The following SCAMP2 variants were observed in gnomAD, a reference collection of about 807,000 sequenced individuals.
SCAMP2 encodes the protein secretory carrier-associated membrane protein 2.
In SCAMP2, 25 loss-of-function variants were observed where a neutral mutation model predicts 44.1. That is an observed-to-expected ratio of 0.57 (90% CI 0.41 to 0.79). The LOEUF (loss-of-function observed/expected upper bound fraction) is 0.79. Ranked by LOEUF, SCAMP2 falls within the 30% of genes least tolerant of loss-of-function variation. SCAMP2 has a pLI of 0.00. For missense variants in SCAMP2, 355 were observed against 411.0 expected, an observed-to-expected ratio of 0.86 and a Z score of 1.18; for synonymous variants, 156 against 166.0, an observed-to-expected ratio of 0.94 and a Z score of 0.46.
intron 1 of SCAMP2, among the ~76,000 whole-genome samples, chr15:74,870,754 CAAGA>C (rs889677487): frequency 3.3e-5 from 5 of 152,104 alleles, no homozygotes; most frequent in African/African-American, 1.2e-4. Context: ...ACCTTGAGAC[CAAGA>C]AAGAAGCAAA....
chr15:74,861,814 T>G (rs1325479618), intron 1 of SCAMP2, among the ~76,000 whole-genome samples: 1 of 140,088 alleles, frequency 7.1e-6, no homozygotes, highest in Non-Finnish European at 1.5e-5. Flanking sequence ...GGTGGGAGAA[T>G]GGTGTGAACC....
At chr15:74,854,503 G>C in intron 2 of SCAMP2, 78 bp downstream of exon 2, 1 of 1,232,482 alleles carries the variant, frequency 8.1e-7, no homozygotes, top group Admixed American at 2.0e-5. Flanking sequence ...TTCTGTCCTT[G>C]CCAAGGATCC....
Position 74,844,203 on chromosome 15 carries a change from A to AAGG in SCAMP2, c.*879_*880insCCT, listed in dbSNP as rs745967366. 3.0e-5 allele frequency: 2 copies of AAGG among 67,060 alleles called. No homozygotes were observed. Among genetic ancestry groups the AAGG allele is most frequent in the Admixed American group, 2.8e-4 (2 of 7,106 alleles). The allele number at this position is 67,060 out of a possible 1,614,324, so 4.2% of individuals were successfully genotyped here. On this transcript the variant is annotated 3_prime_UTR_variant, in exon 9 of 9. Transcript: ENST00000268099. ...AAGGCAGCCGTCCCTCGGTTCGGGGAGGGGGGGGGGTAGTCACAGCAAACA... is the reference window on the plus strand; with the variant it reads ...AAGGCAGCCGTCCCTCGGTTCGGGGAAGGGGGGGGGGGGTAGTCACAGCAAACA...
At chr15:74,852,356 G>A (rs1380605127) in intron 3 of SCAMP2, 170 bp from the exon 4 acceptor site, 2 of 426,912 alleles carry the variant, frequency 4.7e-6, no homozygotes, top group Non-Finnish European at 8.2e-6. Context: ...CCACCTTAGA[G>A]AGGCCAACCT....
chr15:74,868,294 G>A (rs990658838), intron 1 of SCAMP2, among the ~76,000 whole-genome samples: 1 of 152,158 alleles, frequency 6.6e-6, no homozygotes, highest in Non-Finnish European at 1.5e-5. Flanking sequence ...ATAACCACAC[G>A]CAAGGAAGAG....
intron 6 of SCAMP2, among the ~76,000 whole-genome samples, chr15:74,848,978 G>A (rs1423396944): frequency 6.6e-6 from 1 of 152,016 alleles, no homozygotes; most frequent in African/African-American, 2.4e-5. Context: ...ACAATATAAA[G>A]AGCCTAACAC....
intron 1 of SCAMP2, among the ~76,000 whole-genome samples, chr15:74,862,359 T>C (rs1050906842): frequency 1.3e-5 from 2 of 149,190 alleles, no homozygotes; most frequent in African/African-American, 4.9e-5. Context: ...GGCAGATCAC[T>C]TGAGATCAGG....
rs1596430110 is a variant in SCAMP2 at position 74,873,333 on chromosome 15, A to C, written c.-78T>G. The C allele has an allele frequency of 8.0e-7, 1 of 1,246,720 alleles. No homozygotes were observed. Among genetic ancestry groups the C allele is most frequent in the Non-Finnish European group, 1.0e-6 (1 of 953,284 alleles). The allele number at this position is 1,246,720 out of a possible 1,614,324, so 77.2% of individuals were successfully genotyped here. ...CCAGACCCAGCGGCGCTTCGTGTAG[A>C]CCCTCCACTTCCGGGAGCGAGGCAG... On this transcript the variant is annotated 5_prime_UTR_variant, in exon 1 of 9. Transcript: ENST00000268099.
chr15:74,865,296 G>T (rs1383784444), intron 1 of SCAMP2, among the ~76,000 whole-genome samples: 3 of 150,094 alleles, frequency 2.0e-5, no homozygotes, highest in Non-Finnish European at 4.4e-5. Context: ...CAGGAGAATC[G>T]CTTAAACCCA....
chr15:74,846,858 C>T (rs2064403007), intron 7 of SCAMP2, among the ~76,000 whole-genome samples: 1 of 152,080 alleles, frequency 6.6e-6, no homozygotes, highest in East Asian at 1.9e-4. Flanking sequence ...CTCCTGAGGA[C>T]CCACCTTCTG....
At chr15:74,865,994 G>C (rs1238815448) in intron 1 of SCAMP2, among the ~76,000 whole-genome samples, 1 of 85,428 alleles carries the variant, frequency 1.2e-5, no homozygotes, top group Non-Finnish European at 2.3e-5. Context: ...AAGGAAGGAA[G>C]GAAGGAAGGA....
chr15:74,853,261 C>T lies in SCAMP2; in HGVS notation c.225+760G>A, dbSNP rs188269083. 1,704 of 368,556 alleles carry T rather than the reference C, an allele frequency of 4.6e-3. 16 individuals are homozygous for T. Among genetic ancestry groups the T allele is most frequent in the South Asian group, 4.9e-3 (248 of 51,124 alleles). 22.8% of individuals were successfully genotyped at this position (368,556 alleles called of 1,614,324 possible). On this transcript the variant is annotated intron_variant, in intron 3 of 8. Coordinates refer to ENST00000268099, the MANE Select transcript of SCAMP2 (RefSeq NM_005697.5). ...ACCCAGCTGCACAGAAAGGCAACTCCGCATGTAAGGCCTGCCTCACCTCCA... is the reference window on the plus strand; with the variant it reads ...ACCCAGCTGCACAGAAAGGCAACTCTGCATGTAAGGCCTGCCTCACCTCCA...
At chr15:74,865,398 A>G (rs1417922901) in intron 1 of SCAMP2, among the ~76,000 whole-genome samples, 8 of 151,454 alleles carry the variant, frequency 5.3e-5, no homozygotes, top group Non-Finnish European at 8.8e-5. Flanking sequence ...AAAAAAAGAA[A>G]AGAAAAGAAA....
chr15:74,849,544 G>C (rs2064421451), intron 6 of SCAMP2, among the ~76,000 whole-genome samples: 1 of 152,194 alleles, frequency 6.6e-6, no homozygotes, highest in South Asian at 2.1e-4. Flanking sequence ...ACAAGTTCAA[G>C]ACCAGCCTGG....
chr15:74,851,573 C>G, intron 4 of SCAMP2, 92 bp from the exon 5 acceptor site: 4 of 1,529,816 alleles, frequency 2.6e-6, no homozygotes, highest in Non-Finnish European at 3.6e-6. Context: ...TGGGCCAAAC[C>G]AGGGTTCCCA....
intron 1 of SCAMP2, among the ~76,000 whole-genome samples, chr15:74,868,902 T>A (rs1012031242): frequency 1.3e-5 from 2 of 152,166 alleles, no homozygotes; most frequent in African/African-American, 2.4e-5. Flanking sequence ...ACGCCTGTAA[T>A]CCTAGCACTT....
intron 4 of SCAMP2, 73 bp downstream of exon 4, chr15:74,851,996 G>T: frequency 2.0e-6 from 2 of 997,002 alleles, no homozygotes; most frequent in South Asian, 1.9e-5. Flanking sequence ...ATGCTGGGAG[G>T]CCCTCCGCAC....
At chr15:74,860,908 C>T (rs1314141993) in intron 1 of SCAMP2, among the ~76,000 whole-genome samples, 1 of 151,876 alleles carries the variant, frequency 6.6e-6, no homozygotes, top group Non-Finnish European at 1.5e-5. Flanking sequence ...GGCACGGTGG[C>T]TCATGCCTGT....
intron 1 of SCAMP2, among the ~76,000 whole-genome samples, chr15:74,864,705 A>T (rs1233084278): frequency 6.6e-6 from 1 of 152,032 alleles, no homozygotes; most frequent in Non-Finnish European, 1.5e-5. Flanking sequence ...GACTTCAGAG[A>T]CCTTCCTCAC....
Sources: gnomAD v4.1 joint callset for allele counts (sites outside exome capture counted in the v4.1 genomes callset) on GRCh38, gnomAD v4.1.1 for gene constraint, MANE v1.5 for transcripts, NCBI Gene and HGNC (gene_info 2026-07-23, HGNC 2026-07-21) for gene names.